Variants in XPO5 observed in about 807,000 individuals in gnomAD.
XPO5 encodes exportin-5.
In XPO5, 46 loss-of-function variants were observed where a neutral mutation model predicts 160.6. The ratio of observed to expected loss-of-function variants is 0.29; its 90% CI spans 0.23 to 0.37. The LOEUF (loss-of-function observed/expected upper bound fraction) is 0.37. Among genes scored for constraint, XPO5 ranks in the 10% least tolerant of loss-of-function variants. The pLI is 1.00. For missense variants in XPO5, 1,090 were observed against 1,463.9 expected (o/e 0.74, Z 4.17); for synonymous variants, 537 against 519.3 (o/e 1.03, Z -0.46).
intron 13 of XPO5, chr6:43,555,619 G>A (rs944600670): frequency 3.1e-5 from 13 of 413,424 alleles, no homozygotes; most frequent in Admixed American, 1.2e-4. Context: ...AACTGATAAG[G>A]ACATGGTTTT....
chr6:43,570,825 G>A (rs745473340), intron 4 of XPO5, 32 bp downstream of exon 4: 5 of 1,569,198 alleles, frequency 3.2e-6, no homozygotes, highest in Non-Finnish European at 4.3e-6. Flanking sequence ...CCAAGGAAAA[G>A]TATACCAAAC....
chr6:43,567,729 C>T (rs1424788427), intron 6 of XPO5, among the ~76,000 whole-genome samples: 1 of 150,440 alleles, frequency 6.6e-6, no homozygotes, highest in Non-Finnish European at 1.5e-5. Flanking sequence ...CTAGTGTCTA[C>T]CAAAAAAACA....
At chr6:43,537,606 C>G (rs1264811620) in intron 20 of XPO5, among the ~76,000 whole-genome samples, 2 of 152,180 alleles carry the variant, frequency 1.3e-5, no homozygotes, top group African/African-American at 4.8e-5. Flanking sequence ...ATTTGGTCCT[C>G]AGGCTGCAGA....
chr6:43,524,494 G>T lies in XPO5; in HGVS notation c.3454C>A (p.Arg1152Ser). 1 of 1,613,760 alleles carries T rather than the reference G, an allele frequency of 6.2e-7. No individual in the cohort carries two copies. The highest frequency in any genetic ancestry group is 2.2e-5 in the East Asian group (1 of 44,886). The change falls in exon 31 of 32, where the codon CGC becomes AGC. Residue 1152 changes from arginine to serine, a missense_variant. Arg to Ser is a moderately radical substitution (Grantham distance 110, BLOSUM62 -1). Transcript: ENST00000265351. ...ADKRRKDQFK[R>S]LIAGCIGKPL... Reference sequence around the variant, plus strand: ...ACCCCAATGCAACCAGCAATGAGGCGTTTGAATTGGTCCTTTCGGCGCTTG... The same window carrying T: ...ACCCCAATGCAACCAGCAATGAGGCTTTTGAATTGGTCCTTTCGGCGCTTG...
intron 6 of XPO5, among the ~76,000 whole-genome samples, chr6:43,568,300 C>T (rs1762808142): frequency 6.6e-6 from 1 of 151,470 alleles, no homozygotes; most frequent in South Asian, 2.1e-4. Flanking sequence ...GAGCGAGACT[C>T]CGTCTCAAAA....
At chr6:43,546,484 G>T in intron 20 of XPO5, 87 bp downstream of exon 20, 1 of 1,324,270 alleles carries the variant, frequency 7.6e-7, no homozygotes, top group Non-Finnish European at 1.0e-6. Context: ...ATACCACTAA[G>T]ATATGAAGAC....
At chr6:43,547,564 C>CT (rs1338471407) in intron 19 of XPO5, 44 bp downstream of exon 19, 1 of 1,579,046 alleles carries the variant, frequency 6.3e-7, no homozygotes, top group Non-Finnish European at 8.7e-7. Context: ...CACCCTACTC[C>CT]TACCCATGGC....
At position 43,560,408 on chromosome 6, in the gene XPO5, A is replaced by G. The variant is rs1365859530; in HGVS notation, c.1096-105T>C. On this transcript the variant is annotated intron_variant, in intron 10 of 31. Coordinates refer to ENST00000265351, the MANE Select transcript of XPO5 (RefSeq NM_020750.3). Reference sequence around the variant, plus strand: ...CATTTTTTCATAGAAATAAATCTGTACAATACTTTGAAGCTGTCTCTACTG... The same window carrying G: ...CATTTTTTCATAGAAATAAATCTGTGCAATACTTTGAAGCTGTCTCTACTG... 2.9e-6 allele frequency: 4 copies of G among 1,369,192 alleles called. No homozygotes were observed. The African/African-American group carries it at 5.9e-5, about 20-fold the overall frequency. 84.8% of individuals were successfully genotyped at this position (1,369,192 alleles called of 1,614,324 possible).
rs1383469589 is a variant in XPO5, at chr6:43,523,984, G to A, written c.3499C>T (p.Arg1167Ter). The A allele has an allele frequency of 1.2e-6, 2 of 1,613,366 alleles. No individual in the cohort carries two copies. The highest frequency in any genetic ancestry group is 1.3e-5 in the African/African-American group (1 of 74,912). Residue 1167 changes from arginine (R) to a stop codon, truncating the protein, a stop_gained, in exon 32 of 32, where the codon CGA becomes TGA. Coordinates refer to ENST00000265351, the MANE Select transcript of XPO5 (RefSeq NM_020750.3). LOFTEE classifies it high-confidence loss of function. The stretch of plus-strand genomic sequence containing the variant: ...AGATTCTTAATGTGAACTTCTTTTC[G>A]GAACTGCTCTCCCAAGGGTTTCTGT... The part of the protein sequence containing the change: ...CIGKPLGEQF[R>*]KEVHIKNLPS...
At chr6:43,562,186 A>G (rs1762452283) in intron 9 of XPO5, 61 bp downstream of exon 9, 1 of 1,381,328 alleles carries the variant, frequency 7.2e-7, no homozygotes, top group Admixed American at 2.1e-5. Flanking sequence ...TTGAAACATA[A>G]GTTTCTAAAT....
At chr6:43,572,150 T>C (rs556089479) in intron 3 of XPO5, among the ~76,000 whole-genome samples, 2 of 152,336 alleles carry the variant, frequency 1.3e-5, no homozygotes, top group South Asian at 4.1e-4. Flanking sequence ...CCATCACAGC[T>C]CACTGCAGCC....
intron 12 of XPO5, among the ~76,000 whole-genome samples, chr6:43,556,695 T>C (rs928894809): frequency 3.3e-5 from 5 of 152,180 alleles, no homozygotes; most frequent in Admixed American, 6.6e-5. Flanking sequence ...CAAAAACTTA[T>C]ATCTAAACAA....
At chr6:43,571,772 C>G (rs796867529) in intron 3 of XPO5, among the ~76,000 whole-genome samples, 3 of 150,898 alleles carry the variant, frequency 2.0e-5, no homozygotes, top group African/African-American at 7.3e-5. Flanking sequence ...CATGCTAATG[C>G]AATCCAGCCG....
At chr6:43,571,539 C>G (rs1047440174) in intron 3 of XPO5, among the ~76,000 whole-genome samples, 1 of 152,170 alleles carries the variant, frequency 6.6e-6, no homozygotes, top group African/African-American at 2.4e-5. Flanking sequence ...AGTCATCACA[C>G]CTGTAATCTC....
chr6:43,527,654 C>T lies in XPO5; in HGVS notation c.2900G>A (p.Arg967Gln), dbSNP rs767954093. The change falls in exon 26 of 32, where the codon CGA (arginine) becomes CAA (glutamine). Residue 967 changes from arginine (R) to glutamine (Q), a missense_variant. By Grantham distance (43) the Arg-to-Gln change is conservative. This residue lies in a region of XPO5 where 810 missense variants were observed against 1,139.0 expected (regional missense o/e 0.71). Coordinates refer to ENST00000265351, the MANE Select transcript of XPO5 (RefSeq NM_020750.3). ...LEEQLVRMLT[R>Q]EVMDLITVCC... Reference sequence around the variant, plus strand: ...CTTACTGATTAGGTCCATGACTTCTCGGGTTAACATCCTCACCAGTTGCTC... The same window carrying T: ...CTTACTGATTAGGTCCATGACTTCTTGGGTTAACATCCTCACCAGTTGCTC... The T allele has an allele frequency of 5.0e-6, 8 of 1,613,858 alleles. No individual in the cohort carries two copies.
chr6:43,524,238 G>A (rs1793388892), intron 31 of XPO5, among the ~76,000 whole-genome samples: 1 of 151,974 alleles, frequency 6.6e-6, no homozygotes, highest in Non-Finnish European at 1.5e-5. Flanking sequence ...TGTAATCCCA[G>A]CTACTTGGGA....
At chr6:43,525,943 T>C in intron 27 of XPO5, 22 bp from the exon 28 acceptor site, 1 of 1,612,584 alleles carries the variant, frequency 6.2e-7, no homozygotes, top group Non-Finnish European at 8.5e-7. Flanking sequence ...GAGTAGAATG[T>C]TAAGCTCCAT....
Position 43,526,717 on chromosome 6 carries a change from T to G in XPO5, c.2951A>C (p.Asp984Ala). Residue 984 changes from aspartate to alanine, a missense_variant, in exon 27 of 32, where the codon GAC becomes GCC. Asp to Ala is a moderately radical substitution (Grantham distance 126, BLOSUM62 -2). Coordinates refer to ENST00000265351, the MANE Select transcript of XPO5 (RefSeq NM_020750.3). ...TVCCVSKKGA[D>A]HSSAPPADGD... is the part of the protein sequence containing the mutation. ...ATCTGCTGGGGGAGCACTACTGTGG[T>G]CAGCACCCTTCTTTGAAACACAGCA... 1 of 1,613,922 alleles carries G rather than the reference T, an allele frequency of 6.2e-7. No homozygotes were observed. Among genetic ancestry groups the G allele is most frequent in the South Asian group, 1.1e-5 (1 of 91,054 alleles).
intron 8 of XPO5, among the ~76,000 whole-genome samples, chr6:43,563,981 G>A (rs1447571956): frequency 6.6e-6 from 1 of 152,066 alleles, no homozygotes; most frequent in Non-Finnish European, 1.5e-5. Flanking sequence ...GGAGTGCAGG[G>A]GCACAATCCT....
Sources: gnomAD v4.1 joint callset for allele counts (sites outside exome capture counted in the v4.1 genomes callset) on GRCh38, gnomAD v4.1.1 for gene constraint, gnomAD v4.1.1 regional missense constraint, MANE v1.5 for transcripts, NCBI Gene and HGNC (gene_info 2026-07-23, HGNC 2026-07-21) for gene names.